Variants in DLGAP1 observed in about 807,000 individuals in gnomAD.
DLGAP1 encodes DLG associated protein 1.
In DLGAP1, 11 loss-of-function variants were observed where a neutral mutation model predicts 90.8. The observed-to-expected ratio is 0.12, with a 90% CI of 0.08 to 0.20. The LOEUF (loss-of-function observed/expected upper bound fraction) is 0.20, where lower values mean the gene tolerates loss of function less well. Among genes scored for constraint, DLGAP1 ranks in the 10% least tolerant of loss-of-function variants. The pLI, the probability that DLGAP1 is intolerant of heterozygous loss-of-function variation, is 1.00. For missense variants in DLGAP1, 1,050 were observed against 1,333.8 expected (o/e 0.79, Z 3.31); for synonymous variants, 558 against 540.7 (o/e 1.03, Z -0.44).
intron 7 of DLGAP1, among the ~76,000 whole-genome samples, chr18:3,591,430 G>C (rs757588145): frequency 5.9e-5 from 9 of 152,098 alleles, no homozygotes; most frequent in Non-Finnish European, 8.8e-5. Flanking sequence ...GCTCATTCCT[G>C]TAATCCCAGC....
At chr18:3,658,433 T>C (rs1025856459) in intron 7 of DLGAP1, among the ~76,000 whole-genome samples, 1 of 152,220 alleles carries the variant, frequency 6.6e-6, no homozygotes, top group African/African-American at 2.4e-5. Flanking sequence ...AGGGAAGACC[T>C]TGAACTTCAG....
chr18:3,936,797 T>C (rs1599184836), intron 3 of DLGAP1, among the ~76,000 whole-genome samples: 1 of 152,158 alleles, frequency 6.6e-6, no homozygotes, highest in East Asian at 1.9e-4. Context: ...TATGGGGTAA[T>C]GTGGCAACTG....
chr18:3,688,174 G>A (rs1412133189), intron 7 of DLGAP1, among the ~76,000 whole-genome samples: 2 of 152,118 alleles, frequency 1.3e-5, no homozygotes, highest in East Asian at 3.8e-4. Flanking sequence ...GCCTCCCAAA[G>A]TGCTGGGATT....
intron 1 of DLGAP1, among the ~76,000 whole-genome samples, chr18:4,356,438 C>A (rs1364856876): frequency 6.6e-6 from 1 of 152,148 alleles, no homozygotes; most frequent in Non-Finnish European, 1.5e-5. Flanking sequence ...CCCCACCAAA[C>A]CTGCCCATCC....
chr18:4,406,894 A>G (rs981733759), intron 1 of DLGAP1, among the ~76,000 whole-genome samples: 1 of 152,212 alleles, frequency 6.6e-6, no homozygotes, highest in African/African-American at 2.4e-5. Context: ...CTGGGTAAAT[A>G]TATTTCTGCA....
At chr18:3,742,636 C>A in intron 5 of DLGAP1, 124 bp from the exon 6 acceptor site, 1 of 1,124,670 alleles carries the variant, frequency 8.9e-7, no homozygotes, top group Non-Finnish European at 1.3e-6. Flanking sequence ...AGATGCCCTT[C>A]TGTGATTACT....
At chr18:3,740,715 T>C (rs2062861769) in intron 6 of DLGAP1, among the ~76,000 whole-genome samples, 1 of 151,982 alleles carries the variant, frequency 6.6e-6, no homozygotes, top group East Asian at 1.9e-4. Context: ...ATCACCACTG[T>C]CACTGCTACC....
At chr18:3,608,853 T>C (rs2057453201) in intron 7 of DLGAP1, among the ~76,000 whole-genome samples, 1 of 152,216 alleles carries the variant, frequency 6.6e-6, no homozygotes, top group Admixed American at 6.5e-5. Context: ...TTTTCATTTT[T>C]TTGAGACAGA....
intron 1 of DLGAP1, among the ~76,000 whole-genome samples, chr18:4,350,653 G>A (rs2081386106): frequency 6.6e-6 from 1 of 151,982 alleles, no homozygotes; most frequent in Non-Finnish European, 1.5e-5. Context: ...AGGACAATTT[G>A]GATAATCATA....
intron 3 of DLGAP1, among the ~76,000 whole-genome samples, chr18:3,894,478 C>T (rs2071563029): frequency 6.6e-6 from 1 of 152,140 alleles, no homozygotes; most frequent in Non-Finnish European, 1.5e-5. Context: ...ATCCTTTCCC[C>T]AGTGTATGTT....
intron 7 of DLGAP1, among the ~76,000 whole-genome samples, chr18:3,673,363 C>T (rs2060167669): frequency 1.3e-5 from 2 of 152,204 alleles, no homozygotes; most frequent in South Asian, 4.1e-4. Flanking sequence ...CTGTTGCCCT[C>T]AGCGACCTGT....
chr18:4,078,040 G>C (rs949946871), intron 2 of DLGAP1, among the ~76,000 whole-genome samples: 1 of 152,072 alleles, frequency 6.6e-6, no homozygotes, highest in African/African-American at 2.4e-5. Context: ...AATGTCATGG[G>C]GTTTACAAGG....
intron 1 of DLGAP1, among the ~76,000 whole-genome samples, chr18:4,164,385 T>G (rs527564042): frequency 3.7e-4 from 56 of 152,234 alleles, no homozygotes; most frequent in Non-Finnish European, 5.6e-4. Context: ...GTTTAAACGA[T>G]CAGACACTGC....
intron 1 of DLGAP1, among the ~76,000 whole-genome samples, chr18:4,314,263 C>T (rs2080472936): frequency 6.6e-6 from 1 of 152,160 alleles, no homozygotes; most frequent in African/African-American, 2.4e-5. Context: ...GACTGGAGGA[C>T]ACCAGCTGCT....
chr18:3,556,828 A>G (rs1485686305), intron 9 of DLGAP1, among the ~76,000 whole-genome samples: 1 of 152,170 alleles, frequency 6.6e-6, no homozygotes. Context: ...TTTGTAAGAA[A>G]CTGTTGATTA....
At chr18:3,944,329 C>T (rs779028229) in intron 3 of DLGAP1, among the ~76,000 whole-genome samples, 13 of 152,180 alleles carry the variant, frequency 8.5e-5, no homozygotes, top group Non-Finnish European at 1.6e-4. Flanking sequence ...AACCCCATCT[C>T]TACTAAAAAT....
At chr18:4,293,543 G>GATACC (rs1483531403) in intron 1 of DLGAP1, 1 of 152,154 alleles carries the variant, frequency 6.6e-6, no homozygotes, top group Non-Finnish European at 1.5e-5. Flanking sequence ...TAGGTCACAG[G>GATACC]ATACCATGTT....
At chr18:4,085,234 T>G (rs894220153) in intron 2 of DLGAP1, among the ~76,000 whole-genome samples, 5 of 152,148 alleles carry the variant, frequency 3.3e-5, no homozygotes, top group Admixed American at 6.5e-5. Flanking sequence ...AGCTAATTAT[T>G]TACTGCACAG....
At chr18:3,533,081 C>T (rs2052116585) in intron 10 of DLGAP1, among the ~76,000 whole-genome samples, 2 of 152,006 alleles carry the variant, frequency 1.3e-5, no homozygotes, top group Non-Finnish European at 2.9e-5. Flanking sequence ...TGCCTGAGTT[C>T]AGTAGTTTGA....
Sources: allele counts gnomAD v4.1 joint callset (sites outside exome capture counted in the v4.1 genomes callset), GRCh38; gene constraint gnomAD v4.1.1; transcripts MANE v1.5; gene names NCBI Gene and HGNC (gene_info 2026-07-23, HGNC 2026-07-21).